The following EPB41L4A variants were observed in gnomAD, a reference collection of about 807,000 sequenced individuals.
EPB41L4A encodes band 4.1-like protein 4A.
EPB41L4A carries 100 observed loss-of-function variants against 108.6 expected under a neutral mutation model. The ratio of observed to expected loss-of-function variants is 0.92; its 90% CI spans 0.78 to 1.09. EPB41L4A has a LOEUF of 1.09. EPB41L4A is among the 50% of genes least tolerant of loss of function. EPB41L4A has a pLI of 0.00. For synonymous variants in EPB41L4A, 319 were observed against 289.0 expected (o/e 1.10, Z -1.05); for missense variants, 1,030 against 842.7 (o/e 1.22, Z -2.75).
At chr5:112,241,050 G>A (rs1317331941) in intron 9 of EPB41L4A, among the ~76,000 whole-genome samples, 4 of 151,898 alleles carry the variant, frequency 2.6e-5, no homozygotes, top group South Asian at 2.1e-4. Context: ...CTTTTACATT[G>A]CCCCATGACA....
At chr5:112,403,337 CAA>C (rs113132902) in intron 1 of EPB41L4A, among the ~76,000 whole-genome samples, 49 of 78,610 alleles carry the variant, frequency 6.2e-4, no homozygotes, top group African/African-American at 8.3e-4. Flanking sequence ...TAATCCTCAG[CAA>C]AAAAAAAAAA....
intron 1 of EPB41L4A, among the ~76,000 whole-genome samples, chr5:112,340,699 A>G (rs879604530): frequency 6.6e-5 from 10 of 152,194 alleles, no homozygotes; most frequent in Non-Finnish European, 1.2e-4. Context: ...ATGTAACTAC[A>G]TGTACGTTTC....
At chr5:112,193,966 ACTT>A (rs777789149) in intron 17 of EPB41L4A, among the ~76,000 whole-genome samples, 1 of 152,128 alleles carries the variant, frequency 6.6e-6, no homozygotes, top group Non-Finnish European at 1.5e-5. Flanking sequence ...TGACACAAAT[ACTT>A]CTTGTTTTCG....
chr5:112,363,795 T>C (rs1374978872), intron 1 of EPB41L4A: 2 of 152,350 alleles, frequency 1.3e-5, no homozygotes, highest in East Asian at 1.9e-4. Context: ...CACAGCTGCA[T>C]GCACATTCAG....
At position 112,169,016 on chromosome 5, in the gene EPB41L4A, C is replaced by G; in HGVS notation, c.1829G>C (p.Arg610Pro). Residue 610 changes from arginine (R) to proline (P), a missense_variant, in exon 21 of 23, where the codon CGA becomes CCA. Arg to Pro is a moderately radical substitution (Grantham distance 103). Coordinates refer to ENST00000261486, the MANE Select transcript of EPB41L4A (RefSeq NM_022140.5). ...TTACTTCACTTCCGAGAGAACTGATCGCTCCCCATCTGAACACTGGGACCT... is the reference window on the plus strand; with the variant it reads ...TTACTTCACTTCCGAGAGAACTGATGGCTCCCCATCTGAACACTGGGACCT... ...YRRSQCSDGERSVLSEVNSKT... is the reference protein window; with the variant it reads ...YRRSQCSDGEPSVLSEVNSKT... The G allele has an allele frequency of 6.2e-7, 1 of 1,613,566 alleles. No individual in the cohort carries two copies. The highest frequency in any genetic ancestry group is 1.1e-5 in the South Asian group (1 of 91,062).
At chr5:112,339,445 G>A (rs1299761978) in intron 1 of EPB41L4A, among the ~76,000 whole-genome samples, 2 of 141,602 alleles carry the variant, frequency 1.4e-5, no homozygotes, top group Admixed American at 7.1e-5. Flanking sequence ...TTTAAACAAG[G>A]AGATATATAG....
chr5:112,149,846 C>T (rs1759399829), intron 12 of EPB41L4A, among the ~76,000 whole-genome samples: 1 of 152,148 alleles, frequency 6.6e-6, no homozygotes, highest in Non-Finnish European at 1.5e-5. Context: ...TTGCCTGGGA[C>T]ATTTGCTCAC....
intron 1 of EPB41L4A, among the ~76,000 whole-genome samples, chr5:112,378,460 G>T (rs900452976): frequency 3.3e-5 from 5 of 152,112 alleles, no homozygotes; most frequent in African/African-American, 1.2e-4. Context: ...GGATGATCAG[G>T]ATATAAATTA....
intron 1 of EPB41L4A, among the ~76,000 whole-genome samples, chr5:112,346,557 A>C (rs1214826460): frequency 6.6e-6 from 1 of 152,150 alleles, no homozygotes; most frequent in Non-Finnish European, 1.5e-5. Context: ...ACCAAAAGTG[A>C]AAGAACTAAT....
chr5:112,209,286 GA>G (rs2096885153), intron 13 of EPB41L4A, among the ~76,000 whole-genome samples: 1 of 152,182 alleles, frequency 6.6e-6, no homozygotes, highest in Non-Finnish European at 1.5e-5. Flanking sequence ...TTGGAGAGAA[GA>G]AAAAATGACT....
intron 1 of EPB41L4A, among the ~76,000 whole-genome samples, chr5:112,311,866 C>G (rs1486368457): frequency 6.6e-6 from 1 of 152,144 alleles, no homozygotes; most frequent in Non-Finnish European, 1.5e-5. Context: ...GTCCTTTCTC[C>G]CATCTAGGCA....
At chr5:112,364,380 A>C (rs1291251323) in intron 1 of EPB41L4A, among the ~76,000 whole-genome samples, 2 of 152,242 alleles carry the variant, frequency 1.3e-5, no homozygotes, top group Non-Finnish European at 2.9e-5. Context: ...TGATATTCAC[A>C]TTAGAGTTAC....
intron 17 of EPB41L4A, among the ~76,000 whole-genome samples, chr5:112,186,140 G>C (rs1423114711): frequency 1.3e-5 from 2 of 152,170 alleles, no homozygotes; most frequent in African/African-American, 4.8e-5. Flanking sequence ...CTTTCATTCT[G>C]AACAAAATCA....
At chr5:112,288,421 G>GC (rs1327678639) in intron 2 of EPB41L4A, among the ~76,000 whole-genome samples, 1 of 152,086 alleles carries the variant, frequency 6.6e-6, no homozygotes, top group Non-Finnish European at 1.5e-5. Flanking sequence ...CAAAATCCAG[G>GC]CCGAGAACAC....
At chr5:112,399,496 GA>G (rs1761598405) in intron 1 of EPB41L4A, among the ~76,000 whole-genome samples, 1 of 152,146 alleles carries the variant, frequency 6.6e-6, no homozygotes, top group Non-Finnish European at 1.5e-5. Context: ...GAAGGTTCTC[GA>G]AATATATCTG....
At chr5:112,158,038 G>A (rs1331852791), downstream of EPB41L4A, among the ~76,000 whole-genome samples, 1 of 152,152 alleles carries the variant, frequency 6.6e-6, no homozygotes, top group East Asian at 1.9e-4. Flanking sequence ...AAGCAGACAG[G>A]GGAGAGGAAG....
intron 12 of EPB41L4A, among the ~76,000 whole-genome samples, chr5:112,154,376 A>G (rs1759578055): frequency 6.6e-6 from 1 of 152,226 alleles, no homozygotes. Flanking sequence ...TGTACTTTGG[A>G]CATATGCATG....
chr5:112,419,868 G>C (rs749476351), upstream of EPB41L4A: 1 of 456,664 alleles, frequency 2.2e-6, no homozygotes, highest in African/African-American at 2.0e-5. Context: ...CTCCCTCCGG[G>C]AATGCCTGCC....
intron 3 of EPB41L4A, among the ~76,000 whole-genome samples, chr5:112,276,871 C>A (rs1411612187): frequency 1.3e-5 from 2 of 152,166 alleles, no homozygotes; most frequent in African/African-American, 4.8e-5. Context: ...CCTGCCCCTC[C>A]CCTCATCTGT....
Sources: allele counts gnomAD v4.1 joint callset (sites outside exome capture counted in the v4.1 genomes callset), GRCh38; gene constraint gnomAD v4.1.1; transcripts MANE v1.5; gene names NCBI Gene and HGNC (gene_info 2026-07-23, HGNC 2026-07-21).